ATP2B2: variants seen among roughly 807,000 people sequenced by gnomAD.
ATP2B2 encodes plasma membrane calcium-transporting ATPase 2.
Under a neutral mutation model 120.0 loss-of-function variants are expected in ATP2B2, and 15 were observed. The ratio of observed to expected loss-of-function variants is 0.12; its 90% CI spans 0.08 to 0.19. The LOEUF is 0.19. Among genes scored for constraint, ATP2B2 ranks in the 10% least tolerant of loss-of-function variants. ATP2B2 has a pLI of 1.00. For missense variants in ATP2B2, 1,045 were observed against 1,719.8 expected (o/e 0.61, Z 6.94); for synonymous variants, 694 against 700.3 (o/e 0.99, Z 0.14).
At chr3:10,627,992 G>C (rs2069753224) in intron 1 of ATP2B2, among the ~76,000 whole-genome samples, 1 of 152,182 alleles carries the variant, frequency 6.6e-6, no homozygotes, top group Admixed American at 6.5e-5. Context: ...AGCTATGCAG[G>C]TGGGGAGCAG....
chr3:10,630,276 A>G (rs1233259030), intron 1 of ATP2B2, among the ~76,000 whole-genome samples: 2 of 152,192 alleles, frequency 1.3e-5, no homozygotes, highest in Non-Finnish European at 2.9e-5. Flanking sequence ...TATTAAGCCC[A>G]GTACCCATTA....
intron 4 of ATP2B2, 143 bp downstream of exon 4, chr3:10,401,948 G>A (rs2062235099): frequency 7.2e-7 from 1 of 1,387,834 alleles, no homozygotes; most frequent in Admixed American, 1.8e-5. Flanking sequence ...ACCTCCTAAA[G>A]GATCTCAGAA....
At chr3:10,456,609 C>G (rs1248129831) in intron 1 of ATP2B2, among the ~76,000 whole-genome samples, 2 of 152,226 alleles carry the variant, frequency 1.3e-5, no homozygotes, top group African/African-American at 2.4e-5. Flanking sequence ...CTCCCTGCCT[C>G]CAATCGCTCC....
At chr3:10,513,530 G>A (rs1162812169) in intron 3 of ATP2B2, among the ~76,000 whole-genome samples, 12 of 152,134 alleles carry the variant, frequency 7.9e-5, no homozygotes, top group Admixed American at 7.2e-4. Context: ...GGCCCTGCGT[G>A]TAACAGCATC....
chr3:10,614,769 C>T (rs940444939), intron 2 of ATP2B2, among the ~76,000 whole-genome samples: 9 of 152,110 alleles, frequency 5.9e-5, no homozygotes, highest in African/African-American at 2.2e-4. Context: ...GGTTGACTCC[C>T]TTGCTAACAT....
intron 2 of ATP2B2, among the ~76,000 whole-genome samples, chr3:10,551,518 C>T (rs2067669907): frequency 6.6e-6 from 1 of 152,212 alleles, no homozygotes; most frequent in South Asian, 2.1e-4. Flanking sequence ...ATTCCACAGC[C>T]CTGCTTTGGC....
chr3:10,386,233 G>A (rs925536631), intron 7 of ATP2B2, among the ~76,000 whole-genome samples: 4 of 152,088 alleles, frequency 2.6e-5, no homozygotes, highest in Non-Finnish European at 4.4e-5. Context: ...GTAGAGATGG[G>A]GGTGGTACCA....
chr3:10,339,364 C>A (rs992080181), intron 21 of ATP2B2, among the ~76,000 whole-genome samples: 7 of 152,222 alleles, frequency 4.6e-5, no homozygotes, highest in African/African-American at 1.7e-4. Context: ...CTCTAGCCTG[C>A]AGACAGCTTG....
intron 2 of ATP2B2, among the ~76,000 whole-genome samples, chr3:10,615,408 T>G (rs756659750): frequency 7.3e-5 from 11 of 151,574 alleles, no homozygotes; most frequent in Non-Finnish European, 1.5e-4. Context: ...GAAGGGAGGG[T>G]CAAGGATGAC....
intron 3 of ATP2B2, among the ~76,000 whole-genome samples, chr3:10,521,056 G>A (rs2066975642): frequency 1.3e-5 from 2 of 152,184 alleles, no homozygotes; most frequent in African/African-American, 4.8e-5. Context: ...TCTGCATTTC[G>A]TGCAAGGTAA....
At chr3:10,565,789 C>G (rs987322277) in intron 2 of ATP2B2, among the ~76,000 whole-genome samples, 3 of 152,208 alleles carry the variant, frequency 2.0e-5, no homozygotes, top group African/African-American at 7.2e-5. Flanking sequence ...AAACGTAATA[C>G]AGTGATTAAG....
At chr3:10,620,557 G>T (rs1057009522) in intron 1 of ATP2B2, among the ~76,000 whole-genome samples, 1 of 152,126 alleles carries the variant, frequency 6.6e-6, no homozygotes, top group East Asian at 1.9e-4. Flanking sequence ...GTGAAAGCAG[G>T]GGGGATTCCT....
At chr3:10,614,727 C>T (rs1271870500) in intron 2 of ATP2B2, among the ~76,000 whole-genome samples, 1 of 152,090 alleles carries the variant, frequency 6.6e-6, no homozygotes, top group African/African-American at 2.4e-5. Context: ...CTATGAGAGG[C>T]AGGATGGAAG....
intron 12 of ATP2B2, among the ~76,000 whole-genome samples, chr3:10,363,631 C>T (rs573045979): frequency 9.9e-5 from 15 of 152,148 alleles, no homozygotes; most frequent in African/African-American, 3.4e-4. Context: ...TGAAGAGCTA[C>T]ACGTTACGGA....
rs1481230618 is a variant in ATP2B2, at chr3:10,645,908, T to C, written c.-459-25947A>G. Among the ~76,000 whole-genome samples the C allele has an allele frequency of 3.0e-4, 46 of 152,180 alleles. 1 individual carries two copies. Among genetic ancestry groups the C allele is most frequent in the Admixed American group, 3.0e-3 (46 of 15,290 alleles). ...TGTGTGTGACAGAAGACCTGTGGCA[T>C]TGTGGCATTCACAGGATCTTTGATG... On this transcript the variant is annotated intron_variant, in intron 1 of 21. Transcript: ENST00000646379.
At chr3:10,404,554 G>T (rs865800356) in intron 3 of ATP2B2, among the ~76,000 whole-genome samples, 2 of 152,256 alleles carry the variant, frequency 1.3e-5, no homozygotes, top group Non-Finnish European at 2.9e-5. Flanking sequence ...CACAGTAAAT[G>T]CTCAGTTAAA....
chr3:10,358,579 A>C, intron 14 of ATP2B2, 112 bp downstream of exon 14: 1 of 996,558 alleles, frequency 1.0e-6, no homozygotes, highest in Non-Finnish European at 1.5e-6. Flanking sequence ...CCCCATGGGC[A>C]TTATGTGGAA....
At chr3:10,486,326 T>TGTGTGCGTGTGC (rs386417995) in intron 1 of ATP2B2, among the ~76,000 whole-genome samples, 3 of 105,080 alleles carry the variant, frequency 2.9e-5, no homozygotes, top group Admixed American at 1.8e-4. Context: ...TGTGCGTGCG[T>TGTGTGCGTGTGC]GTGTGTGTGT....
chr3:10,483,114 A>G (rs558951248), intron 1 of ATP2B2, among the ~76,000 whole-genome samples: 10 of 152,212 alleles, frequency 6.6e-5, no homozygotes, highest in Non-Finnish European at 5.9e-5. Context: ...CGTGTCATCT[A>G]TCCTACCTTC....
Sources: allele counts gnomAD v4.1 joint callset (sites outside exome capture counted in the v4.1 genomes callset), GRCh38; gene constraint gnomAD v4.1.1; transcripts MANE v1.5; gene names NCBI Gene and HGNC (gene_info 2026-07-23, HGNC 2026-07-21).